Variants in BRAF observed in about 807,000 individuals in gnomAD.
The protein encoded by BRAF is serine/threonine-protein kinase B-raf.
BRAF carries 16 observed loss-of-function variants against 104.6 expected under a neutral mutation model. The ratio of observed to expected loss-of-function variants is 0.15; its 90% CI spans 0.10 to 0.23. The LOEUF is 0.23. BRAF is among the 10% of genes least tolerant of loss of function. BRAF has a pLI of 1.00. For synonymous variants in BRAF, 310 were observed against 341.6 expected (o/e 0.91, Z 1.02); for missense variants, 541 against 937.3 (o/e 0.58, Z 5.52).
chr7:140,713,663 C>T, the BRAF span, among the ~76,000 whole-genome samples: 3 of 152,178 alleles, frequency 2.0e-5, no homozygotes, highest in African/African-American at 7.2e-5. Context: ...AACTGCATTC[C>T]TTTGGAGGAG....
Position 140,720,770 on chromosome 7 carries a change from A to AC in BRAF, c.*5723dup, listed in dbSNP as rs1795282322. Reference sequence around the variant, plus strand: ...TCCAACTCATACTCCACCAAAACACACGTGGGTTCAAAAACTTAACACAAA... The same window carrying AC: ...TCCAACTCATACTCCACCAAAACACACCGTGGGTTCAAAAACTTAACACAAA... On this transcript the variant is annotated 3_prime_UTR_variant, in exon 20 of 20. Transcript: ENST00000644969. 1.2e-5 allele frequency: 13 copies of AC among 1,066,062 alleles called. No individual in the cohort carries two copies. Among genetic ancestry groups the AC allele is most frequent in the Non-Finnish European group, 1.4e-5 (12 of 879,762 alleles). 66.0% of individuals were successfully genotyped at this position (1,066,062 alleles called of 1,614,324 possible).
At chr7:140,915,512 G>A (rs897462064) in intron 1 of BRAF, among the ~76,000 whole-genome samples, 5 of 149,004 alleles carry the variant, frequency 3.4e-5, no homozygotes, top group Non-Finnish European at 5.9e-5. Flanking sequence ...TCGGCTCACT[G>A]CAACCTCCGC....
At position 140,881,011 on chromosome 7, in the gene BRAF, T is replaced by C. The variant is rs187125615; in HGVS notation, c.139-30799A>G. ...AACAGAAGAGAACATTAATCTTCCT[T>C]GTACATCATCAGAGCTCTTGGGTGA... On this transcript the variant is annotated intron_variant, in intron 1 of 19. Transcript: ENST00000644969. Among the ~76,000 whole-genome samples the C allele has an allele frequency of 2.0e-5, 3 of 152,258 alleles. No individual in the cohort carries two copies. The East Asian group carries it at 5.8e-4, about 29-fold the overall frequency.
intron 10 of BRAF, 198 bp from the exon 10 acceptor site, chr7:140,783,355 ATT>A (rs1801064328): frequency 1.6e-6 from 1 of 610,340 alleles, no homozygotes; most frequent in Non-Finnish European, 2.8e-6. Context: ...TTTCTGGCCA[ATT>A]TAATGACCTT....
At chr7:140,876,320 A>T (rs573928991) in intron 1 of BRAF, among the ~76,000 whole-genome samples, 1 of 152,324 alleles carries the variant, frequency 6.6e-6, no homozygotes, top group South Asian at 2.1e-4. Context: ...ATGGAGAGTT[A>T]AGAATTTTTA....
At chr7:140,759,867 G>C (rs559454478) in intron 14 of BRAF, among the ~76,000 whole-genome samples, 1 of 152,312 alleles carries the variant, frequency 6.6e-6, no homozygotes, top group African/African-American at 2.4e-5. Context: ...TGCAGTCTTT[G>C]ATTCAGGTCT....
rs71170770 is a variant in BRAF at position 140,884,429 on chromosome 7, ATGTGTGTGTGTGTG to A, written c.139-34231_139-34218del. Among the ~76,000 whole-genome samples the A allele has an allele frequency of 6.5e-3, 826 of 127,530 alleles. 2 individuals are homozygous for A. The highest frequency in any genetic ancestry group is 0.013 in the Admixed American group (164 of 12,206). 83.7% of individuals were successfully genotyped at this position (127,530 alleles called of 152,430 possible). A position where few individuals can be genotyped will look rare whatever the true frequency, so the allele number is the denominator to read the frequency against. On this transcript the variant is annotated intron_variant, in intron 1 of 19. Transcript: ENST00000644969. ...AGGATCTCTTATATATATATAAGAT[ATGTGTGTGTGTGTG>A]TGTGTGTGTGTGTGTGTGTGTGTGT...
chr7:140,755,485 T>C (rs1000242029), intron 14 of BRAF, among the ~76,000 whole-genome samples: 16 of 152,180 alleles, frequency 1.1e-4, no homozygotes. Flanking sequence ...ATATCAAAAA[T>C]TTTAAAGTAT....
At chr7:140,765,537 C>T (rs924878833) in intron 14 of BRAF, among the ~76,000 whole-genome samples, 68 of 151,996 alleles carry the variant, frequency 4.5e-4, no homozygotes, top group African/African-American at 9.4e-4. Context: ...AGAAAATTTT[C>T]GCAACCTACT....
intron 18 of BRAF, among the ~76,000 whole-genome samples, chr7:140,739,178 G>A (rs748008102): frequency 6.6e-6 from 1 of 151,822 alleles, no homozygotes; most frequent in African/African-American, 2.4e-5. Context: ...GGGGATCCAC[G>A]AGGTCAAAAC....
chr7:140,811,886 G>A (rs945810766), intron 3 of BRAF, among the ~76,000 whole-genome samples: 3 of 152,022 alleles, frequency 2.0e-5, no homozygotes, highest in African/African-American at 7.2e-5. Flanking sequence ...TAACTACTAC[G>A]AACAATGAGA....
intron 2 of BRAF, among the ~76,000 whole-genome samples, chr7:140,844,422 ACT>A (rs1427340410): frequency 3.9e-5 from 6 of 152,134 alleles, no homozygotes; most frequent in Non-Finnish European, 7.4e-5. Context: ...TGTTTTCTGC[ACT>A]GTTTCTGAGT....
chr7:140,821,915 A>C (rs1562977376), intron 3 of BRAF, among the ~76,000 whole-genome samples: 1 of 152,152 alleles, frequency 6.6e-6, no homozygotes, highest in Non-Finnish European at 1.5e-5. Context: ...GCAAATTAAC[A>C]CAGGAAGAGA....
At chr7:140,772,704 A>G (rs1341185356) in intron 14 of BRAF, among the ~76,000 whole-genome samples, 2 of 152,200 alleles carry the variant, frequency 1.3e-5, no homozygotes, top group Non-Finnish European at 2.9e-5. Context: ...ATCCACTTCA[A>G]GACTCACTGA....
At chr7:140,727,903 G>A (rs942264897) in intron 19 of BRAF, among the ~76,000 whole-genome samples, 6 of 152,186 alleles carry the variant, frequency 3.9e-5, no homozygotes, top group Non-Finnish European at 7.4e-5. Context: ...TTACACGCAT[G>A]AGCCACCATG....
rs1395677045 is a variant in BRAF, at chr7:140,846,468, TTCATAGA to T, written c.240+3636_240+3642del. Among the ~76,000 whole-genome samples, 7 of 152,260 alleles carry T rather than the reference TTCATAGA, an allele frequency of 4.6e-5. No individual in the cohort carries two copies. The East Asian group carries it at 1.4e-3, about 29-fold the overall frequency. On this transcript the variant is annotated intron_variant, in intron 2 of 19. Transcript: ENST00000644969. ...ACATGAAGTTCCTAGAGTAGTCCAA[TTCATAGA>T]TCATAGAGATAGAAAGTAGAATGGT...
intron 2 of BRAF, among the ~76,000 whole-genome samples, chr7:140,836,540 C>T (rs1807359794): frequency 6.6e-6 from 1 of 152,132 alleles, no homozygotes; most frequent in Non-Finnish European, 1.5e-5. Context: ...TAAACTTCAT[C>T]AAAAGGTCTT....
chr7:140,802,327 T>G (rs975334153), intron 5 of BRAF, among the ~76,000 whole-genome samples: 1 of 141,344 alleles, frequency 7.1e-6, no homozygotes, highest in Non-Finnish European at 1.5e-5. Flanking sequence ...AGACAGAGTC[T>G]GGCTCTGTCG....
At chr7:140,834,978 G>A in intron 2 of BRAF, 106 bp from the exon 3 acceptor site, 2 of 1,305,112 alleles carry the variant, frequency 1.5e-6, no homozygotes, top group Admixed American at 1.9e-5. Context: ...CCAGTTGATA[G>A]GGTTTTAAGT....
Sources: gnomAD v4.1 joint callset for allele counts (sites outside exome capture counted in the v4.1 genomes callset) on GRCh38, gnomAD v4.1.1 for gene constraint, MANE v1.5 for transcripts, NCBI Gene and HGNC (gene_info 2026-07-23, HGNC 2026-07-21) for gene names.